CADM1: variants seen among roughly 807,000 people sequenced by gnomAD.
The protein encoded by CADM1 is cell adhesion molecule 1.
Under a neutral mutation model 53.1 loss-of-function variants are expected in CADM1, and 15 were observed. That is an observed-to-expected ratio of 0.28 (90% confidence interval 0.19 to 0.44). CADM1 has a LOEUF of 0.44. Among genes scored for constraint, CADM1 ranks in the 20% least tolerant of loss-of-function variants. The pLI, the probability that CADM1 is intolerant of heterozygous loss-of-function variation, is 1.00. For missense variants in CADM1, 434 were observed against 611.3 expected, an observed-to-expected ratio of 0.71 and a Z score of 3.06; for synonymous variants, 281 against 243.0, an observed-to-expected ratio of 1.16 and a Z score of -1.45.
chr11:115,271,688 T>G (rs955363667), intron 1 of CADM1, among the ~76,000 whole-genome samples: 1 of 152,240 alleles, frequency 6.6e-6, no homozygotes, highest in Admixed American at 6.5e-5. Flanking sequence ...AAGAAGCATT[T>G]ATTGGAGGTA....
At chr11:115,270,759 G>A (rs1315284657) in intron 1 of CADM1, among the ~76,000 whole-genome samples, 2 of 152,136 alleles carry the variant, frequency 1.3e-5, no homozygotes, top group Admixed American at 1.3e-4. Flanking sequence ...AATATCTAAG[G>A]TTATTAAGCT....
intron 1 of CADM1, among the ~76,000 whole-genome samples, chr11:115,331,648 A>G (rs2135218152): frequency 6.6e-6 from 1 of 152,304 alleles, no homozygotes; most frequent in African/African-American, 2.4e-5. Context: ...AAAAGCATTC[A>G]CACAGTCCAG....
At chr11:115,280,035 T>G (rs568990503) in intron 1 of CADM1, among the ~76,000 whole-genome samples, 2 of 152,232 alleles carry the variant, frequency 1.3e-5, no homozygotes, top group Admixed American at 6.5e-5. Flanking sequence ...ATCAAGCCAC[T>G]GGATTTAATC....
chr11:115,306,072 C>CCCCACACACACA (rs1555060495), intron 1 of CADM1, among the ~76,000 whole-genome samples: 2 of 130,390 alleles, frequency 1.5e-5, no homozygotes, highest in African/African-American at 2.9e-5. Flanking sequence ...AGGATATATA[C>CCCCACACACACA]CACACACACA....
intron 5 of CADM1, among the ~76,000 whole-genome samples, chr11:115,223,274 C>T (rs1387135809): frequency 6.6e-6 from 1 of 152,204 alleles, no homozygotes; most frequent in Non-Finnish European, 1.5e-5. Context: ...CATATTTCCA[C>T]TTCACCATAC....
chr11:115,434,619 G>C (rs1179579650), intron 1 of CADM1, among the ~76,000 whole-genome samples: 1 of 152,032 alleles, frequency 6.6e-6, no homozygotes, highest in Non-Finnish European at 1.5e-5. Flanking sequence ...GAGATAATCT[G>C]GGTACAGCCC....
intron 1 of CADM1, among the ~76,000 whole-genome samples, chr11:115,459,144 A>C (rs371749368): frequency 2.0e-5 from 3 of 152,198 alleles, no homozygotes; most frequent in Non-Finnish European, 4.4e-5. Context: ...TATAACTGCA[A>C]TAATGAATGG....
At chr11:115,186,065 G>A (rs549869390) in intron 10 of CADM1, among the ~76,000 whole-genome samples, 1 of 152,178 alleles carries the variant, frequency 6.6e-6, no homozygotes, top group Non-Finnish European at 1.5e-5. Flanking sequence ...TGGATTATGA[G>A]AAAGACCAGC....
At chr11:115,301,126 C>T (rs1316609430) in intron 1 of CADM1, among the ~76,000 whole-genome samples, 1 of 152,066 alleles carries the variant, frequency 6.6e-6, no homozygotes, top group East Asian at 1.9e-4. Context: ...ATGATTTCAG[C>T]ATCAGCACAT....
chr11:115,470,373 G>A (rs1181406377), intron 1 of CADM1, among the ~76,000 whole-genome samples: 1 of 152,136 alleles, frequency 6.6e-6, no homozygotes, highest in Non-Finnish European at 1.5e-5. Flanking sequence ...CAACATTCTT[G>A]GGAGGGCATT....
intron 8 of CADM1, among the ~76,000 whole-genome samples, chr11:115,202,790 CCT>C (rs1565295018): frequency 6.6e-6 from 1 of 151,538 alleles, no homozygotes; most frequent in Non-Finnish European, 1.5e-5. Flanking sequence ...AAGGAATTCC[CCT>C]GACAATTTTA....
At chr11:115,201,430 A>C (rs1940424293) in intron 8 of CADM1, among the ~76,000 whole-genome samples, 1 of 152,204 alleles carries the variant, frequency 6.6e-6, no homozygotes, top group South Asian at 2.1e-4. Context: ...TTGCGTTATG[A>C]CTTCATGCAG....
At chr11:115,208,041 TATAGAAAATGGAAA>T (rs1940780537) in intron 8 of CADM1, among the ~76,000 whole-genome samples, 1 of 152,152 alleles carries the variant, frequency 6.6e-6, no homozygotes, top group Non-Finnish European at 1.5e-5. Context: ...TGGTGAATAG[TATAGAAAATGGAAA>T]GAATCAATTC....
At chr11:115,179,668 T>G (rs1327831741) in intron 10 of CADM1, among the ~76,000 whole-genome samples, 3 of 152,166 alleles carry the variant, frequency 2.0e-5, no homozygotes, top group Admixed American at 2.0e-4. Flanking sequence ...AAAAAACAAT[T>G]ATTCTCCCGT....
chr11:115,225,105 G>T (rs1158893929), intron 5 of CADM1, among the ~76,000 whole-genome samples: 1 of 152,148 alleles, frequency 6.6e-6, no homozygotes, highest in Non-Finnish European at 1.5e-5. Flanking sequence ...CTGTACCCTT[G>T]CTGAGTCTCA....
intron 1 of CADM1, among the ~76,000 whole-genome samples, chr11:115,405,001 T>C (rs1425001216): frequency 6.6e-6 from 1 of 152,174 alleles, no homozygotes; most frequent in African/African-American, 2.4e-5. Flanking sequence ...ATTTTTGTTG[T>C]TGTTAAAGAG....
rs547566164 is a variant in CADM1 at position 115,338,896 on chromosome 11, T to A, written c.125-98476A>T. On this transcript the variant is annotated intron_variant, in intron 1 of 11. Coordinates refer to ENST00000331581, the MANE Select transcript of CADM1 (RefSeq NM_001301043.2). ...TTTTTTATTTTTTTTTTTTTAATTT[T>A]TTTTTTTTTTTATTATACTCTAAGT... 4.8e-5 allele frequency among the ~76,000 whole-genome samples: 7 copies of A among 145,286 alleles called. No homozygotes were observed. In the East Asian group the frequency reaches 9.8e-4, roughly 20 times the overall value.
At chr11:115,338,365 A>G (rs1372799942) in intron 1 of CADM1, among the ~76,000 whole-genome samples, 6 of 152,158 alleles carry the variant, frequency 3.9e-5, no homozygotes, top group African/African-American at 1.4e-4. Context: ...AGGATGCAAT[A>G]AACTCATTTA....
rs527312284 is a variant in CADM1, at chr11:115,250,723, T to TC, written c.125-10304dup. ...TGCAAGGCGCTATGCTTCTTTTTTT[T>TC]CCCTTTCTTCACATTATCTAATTTA... On this transcript the variant is annotated intron_variant, in intron 1 of 11. Coordinates refer to ENST00000331581, the MANE Select transcript of CADM1 (RefSeq NM_001301043.2). Among the ~76,000 whole-genome samples the TC allele has an allele frequency of 2.2e-3, 334 of 152,340 alleles. 1 individual carries two copies. Among genetic ancestry groups the TC allele is most frequent in the Middle Eastern group, 0.017 (5 of 294 alleles).
Sources: allele counts gnomAD v4.1 joint callset (sites outside exome capture counted in the v4.1 genomes callset), GRCh38; gene constraint gnomAD v4.1.1; transcripts MANE v1.5; gene names NCBI Gene and HGNC (gene_info 2026-07-23, HGNC 2026-07-21).